The following TNRC6A variants were observed in gnomAD, a reference collection of about 807,000 sequenced individuals.
TNRC6A encodes the protein trinucleotide repeat containing adaptor 6A.
In TNRC6A, 44 loss-of-function variants were observed where a neutral mutation model predicts 221.2. The observed-to-expected ratio is 0.20, with a 90% CI of 0.16 to 0.26. The LOEUF is 0.26. TNRC6A is among the 10% of genes least tolerant of loss of function. TNRC6A has a pLI of 1.00. For synonymous variants in TNRC6A, 847 were observed against 838.5 expected (o/e 1.01, Z -0.18); for missense variants, 2,199 against 2,404.4 (o/e 0.91, Z 1.79).
intron 2 of TNRC6A, among the ~76,000 whole-genome samples, chr16:24,714,591 C>A (rs1396717841): frequency 6.6e-6 from 1 of 152,018 alleles, no homozygotes; most frequent in African/African-American, 2.4e-5. Context: ...AGGCATAAGC[C>A]ACTGCGCCCA....
intron 2 of TNRC6A, chr16:24,664,036 G>A: frequency 4.6e-6 from 2 of 438,798 alleles, no homozygotes; most frequent in African/African-American, 2.0e-5. Context: ...GGGAAATGAA[G>A]GTAAGGAGGC....
At chr16:24,693,891 C>T (rs923266422) in intron 2 of TNRC6A, among the ~76,000 whole-genome samples, 4 of 49,412 alleles carry the variant, frequency 8.1e-5, no homozygotes, top group African/African-American at 3.5e-4. Context: ...GAGTGGGACC[C>T]TATCTCAAAA....
intron 7 of TNRC6A, among the ~76,000 whole-genome samples, chr16:24,794,163 C>T (rs2058170835): frequency 6.6e-6 from 1 of 152,208 alleles, no homozygotes; most frequent in Non-Finnish European, 1.5e-5. Context: ...GCTTTGAATA[C>T]TCTCTGGCCA....
chr16:24,818,612 C>T lies in TNRC6A; in HGVS notation c.4992C>T (p.Asn1664=). 1.2e-6 allele frequency: 2 copies of T among 1,614,156 alleles called. No individual in the cohort carries two copies. The highest frequency in any genetic ancestry group is 1.7e-6 in the Non-Finnish European group (2 of 1,179,994). Residue 1664 remains asparagine (N), a synonymous_variant, in exon 21 of 25, where the codon AAC becomes AAT. Transcript: ENST00000395799. ...ACACAGGGTCATCCTCATCCTTGAA[C>T]ACCACGCTGCCTTCAACTAGTGCCT... ...DRNSGSSSSL[N]TTLPSTSAWS...
At chr16:24,808,670 C>T (rs972159892) in intron 17 of TNRC6A, among the ~76,000 whole-genome samples, 1 of 152,220 alleles carries the variant, frequency 6.6e-6, no homozygotes, top group Non-Finnish European at 1.5e-5. Context: ...CTTAACATCA[C>T]ATGGACTCAT....
Position 24,790,485 on chromosome 16 carries a change from G to A in TNRC6A, c.1843G>A (p.Val615Ile), listed in dbSNP as rs200930547. Residue 615 changes from valine to isoleucine, a missense_variant, in exon 6 of 25, where the codon GTT (valine) becomes ATT (isoleucine). By Grantham distance (29) the Val-to-Ile change is conservative. Around this residue, in one of 8 missense-constraint regions of TNRC6A, gnomAD observed 1,405 missense variants for 1,400.2 expected, o/e 1.00. Transcript: ENST00000395799. Reference protein sequence around the residue: ...AQNTGTNLPSVEWNKLPSNQH... With the variant: ...AQNTGTNLPSIEWNKLPSNQH... ...AAACACTGGCACTAATTTACCCAGC[G>A]TTGAGTGGAACAAACTGCCTAGCAA... The A allele has an allele frequency of 6.0e-4, 969 of 1,614,228 alleles. 3 individuals carry two copies. The highest frequency in any genetic ancestry group is 6.2e-4 in the Non-Finnish European group (734 of 1,180,040).
At chr16:24,788,437 T>C (rs559471601) in intron 5 of TNRC6A, among the ~76,000 whole-genome samples, 4 of 152,340 alleles carry the variant, frequency 2.6e-5, no homozygotes, top group Admixed American at 1.3e-4. Flanking sequence ...ACCATTCTTA[T>C]AAATTTTTAT....
intron 2 of TNRC6A, among the ~76,000 whole-genome samples, chr16:24,714,649 T>C (rs1237395952): frequency 6.6e-6 from 1 of 152,150 alleles, no homozygotes; most frequent in Non-Finnish European, 1.5e-5. Context: ...TTCTCAGACA[T>C]TGTAGTTTTT....
rs141202044 is a variant in TNRC6A, at chr16:24,722,053, G to T, written n.403-28673G>T. ...GGGGCGCGAGGGAATTTTCTGTAGT[G>T]ATAAAAGTGTTCTATATAGTGATTG... On this transcript the variant is annotated intron_variant and non_coding_transcript_variant, in intron 2 of 2. Transcript: ENST00000566108. Among the ~76,000 whole-genome samples the T allele has an allele frequency of 5.7e-3, 865 of 152,298 alleles. 11 individuals carry two copies. Among genetic ancestry groups the T allele is most frequent in the African/African-American group, 0.02 (830 of 41,570 alleles).
At chr16:24,732,616 T>A (rs1288447863) in intron 2 of TNRC6A, among the ~76,000 whole-genome samples, 1 of 152,214 alleles carries the variant, frequency 6.6e-6, no homozygotes, top group Non-Finnish European at 1.5e-5. Context: ...TTGCAAAATT[T>A]GAAAATTTCT....
chr16:24,652,737 G>A (rs985921798), intron 2 of TNRC6A, among the ~76,000 whole-genome samples: 3 of 152,150 alleles, frequency 2.0e-5, no homozygotes, highest in Admixed American at 1.3e-4. Context: ...AGTGTTTTGG[G>A]ATCCTCAACG....
upstream of TNRC6A, among the ~76,000 whole-genome samples, chr16:24,725,789 C>T (rs758670551): frequency 1.3e-5 from 2 of 151,882 alleles, no homozygotes; most frequent in Non-Finnish European, 2.9e-5. Context: ...TCACTTGAGT[C>T]AGGAGTTCGA....
intron 9 of TNRC6A, 156 bp downstream of exon 9, chr16:24,796,095 C>A: frequency 1.3e-6 from 1 of 751,460 alleles, no homozygotes. Flanking sequence ...CTTTCGGGAG[C>A]TCACAGTCTA....
At chr16:24,669,880 T>C (rs1447662973) in intron 2 of TNRC6A, among the ~76,000 whole-genome samples, 1 of 150,910 alleles carries the variant, frequency 6.6e-6, no homozygotes, top group Non-Finnish European at 1.5e-5. Context: ...AGCCAAGTAT[T>C]AGGCTTAATG....
At chr16:24,752,180 T>C (rs1246140134) in intron 3 of TNRC6A, among the ~76,000 whole-genome samples, 1 of 152,178 alleles carries the variant, frequency 6.6e-6, no homozygotes, top group African/African-American at 2.4e-5. Context: ...GATACCAGAG[T>C]GTGAAATACT....
intron 2 of TNRC6A, chr16:24,664,769 T>TCTCACA (rs1555486883): frequency 7.2e-4 from 216 of 301,634 alleles, no homozygotes; most frequent in African/African-American, 4.8e-3. Context: ...AATCCCCAAA[T>TCTCACA]CACACACACA....
chr16:24,613,361 A>G (rs1489742845), intron 1 of TNRC6A, among the ~76,000 whole-genome samples: 1 of 151,948 alleles, frequency 6.6e-6, no homozygotes. Context: ...AGATGAGGCC[A>G]TCCAGATTAT....
intron 2 of TNRC6A, among the ~76,000 whole-genome samples, chr16:24,735,636 G>C (rs1166778482): frequency 6.6e-6 from 1 of 152,112 alleles, no homozygotes; most frequent in Non-Finnish European, 1.5e-5. Flanking sequence ...ACCCTCTGTG[G>C]AAAATTTGAA....
rs545836796 is a variant in TNRC6A, at chr16:24,712,556, G to T, written n.403-38170G>T. Among the ~76,000 whole-genome samples the T allele has an allele frequency of 6.2e-5, 9 of 145,208 alleles. No homozygotes were observed. In the South Asian group the frequency reaches 1.9e-3, roughly 31 times the overall value. On this transcript the variant is annotated intron_variant and non_coding_transcript_variant, in intron 2 of 2. Transcript: ENST00000566108. ...AGTCAATTCTCTTTAATGACATTTA[G>T]ATAATAAGAAAAATGTTTCATATTT...
Sources: allele counts gnomAD v4.1 joint callset (sites outside exome capture counted in the v4.1 genomes callset), GRCh38; gene constraint gnomAD v4.1.1; regional missense constraint gnomAD v4.1.1; transcripts MANE v1.5; gene names NCBI Gene and HGNC (gene_info 2026-07-23, HGNC 2026-07-21).